The following CERK variants were observed in gnomAD, a reference collection of about 807,000 sequenced individuals.
CERK encodes the protein ceramide kinase, also known as acylsphingosine kinase.
In CERK, 39 loss-of-function variants were observed where a neutral mutation model predicts 63.4. That is an observed-to-expected ratio of 0.61 (90% CI 0.48 to 0.80). The LOEUF (loss-of-function observed/expected upper bound fraction) is 0.80, where lower values mean the gene tolerates loss of function less well. Among genes scored for constraint, CERK ranks in the 30% least tolerant of loss-of-function variants. The pLI, the probability that CERK is intolerant of heterozygous loss-of-function variation, is 0.00. For synonymous variants in CERK, 302 were observed against 280.0 expected (o/e 1.08, Z -0.78); for missense variants, 670 against 714.1 (o/e 0.94, Z 0.70).
intron 6 of CERK, among the ~76,000 whole-genome samples, chr22:46,703,279 C>T (rs949276204): frequency 6.6e-6 from 1 of 152,164 alleles, no homozygotes; most frequent in Non-Finnish European, 1.5e-5. Flanking sequence ...ACATCTGTCC[C>T]GGAGGCAGCC....
intron 1 of CERK, among the ~76,000 whole-genome samples, chr22:46,723,022 G>A (rs887295645): frequency 3.9e-5 from 6 of 152,178 alleles, no homozygotes; most frequent in African/African-American, 1.4e-4. Flanking sequence ...GGAGGGATAA[G>A]GATCCCACTT....
chr22:46,729,864 C>T (rs2082936934), intron 1 of CERK, among the ~76,000 whole-genome samples: 8 of 152,016 alleles, frequency 5.3e-5, no homozygotes, highest in Admixed American at 4.6e-4. Context: ...ACGGTGAAAC[C>T]CTGTCCCTAC....
intron 8 of CERK, 99 bp from the exon 9 acceptor site, chr22:46,695,414 C>A (rs1447266627): frequency 1.3e-6 from 1 of 784,286 alleles, no homozygotes; most frequent in African/African-American, 1.7e-5. Context: ...GAGCGCGCAT[C>A]TGCCTAAACC....
rs897523567 is a variant in CERK at position 46,714,919 on chromosome 22, C to T, written c.380-2626G>A. 6.6e-6 allele frequency among the ~76,000 whole-genome samples: 1 copy of T among 151,746 alleles called. No homozygotes were observed. The highest frequency in any genetic ancestry group is 2.4e-5 in the African/African-American group (1 of 41,310). ...ACACATAAACAGTACTACATCACAA[C>T]CAAGAGAGGTTTGTTTACTCCAGGA... On this transcript the variant is annotated intron_variant, in intron 3 of 12. Coordinates refer to ENST00000216264, the MANE Select transcript of CERK (RefSeq NM_022766.6). The surrounding 1 kb of genome is among the most constrained non-coding windows in gnomAD (Gnocchi z 4.4).
chr22:46,690,409 C>T (rs984958399), intron 11 of CERK, among the ~76,000 whole-genome samples: 3 of 151,968 alleles, frequency 2.0e-5, no homozygotes, highest in African/African-American at 4.8e-5. Context: ...TGGCACCCAC[C>T]TTTCCCGGCG....
In CERK at chr22:46,686,868, A is replaced by C. The variant is rs1044812637; in HGVS notation, c.*266T>G. On this transcript the variant is annotated 3_prime_UTR_variant, in exon 13 of 13. Coordinates refer to ENST00000216264, the MANE Select transcript of CERK (RefSeq NM_022766.6). ...TCTAAACTACACTGTTGACATCGTT[A>C]AAACCTAAGAGGCCAGTGCCCCCAA... The C allele has an allele frequency of 9.0e-6, 4 of 446,102 alleles. No individual in the cohort carries two copies. The highest frequency in any genetic ancestry group is 7.9e-5 in the African/African-American group (4 of 50,744). The allele number at this position is 446,102 out of a possible 1,614,324, so 27.6% of individuals were successfully genotyped here. A position where few individuals can be genotyped will look rare whatever the true frequency, so the allele number is the denominator to read the frequency against.
At chr22:46,709,945 C>T (rs1195010270) in intron 5 of CERK, among the ~76,000 whole-genome samples, 1 of 152,058 alleles carries the variant, frequency 6.6e-6, no homozygotes, top group Non-Finnish European at 1.5e-5. Flanking sequence ...GATAAGAGAA[C>T]AAATGACTGA....
intron 6 of CERK, 104 bp from the exon 7 acceptor site, chr22:46,701,814 A>G: frequency 1.3e-6 from 1 of 755,216 alleles, no homozygotes. Context: ...CCATGGCCCT[A>G]GAGTCAACAC....
chr22:46,721,388 G>A (rs566330404), intron 1 of CERK, among the ~76,000 whole-genome samples: 7 of 152,156 alleles, frequency 4.6e-5, no homozygotes, highest in African/African-American at 1.4e-4. Context: ...TGCCTCCCGG[G>A]TTCGCGCCAT....
At chr22:46,699,965 T>G (rs1221527706) in intron 7 of CERK, among the ~76,000 whole-genome samples, 2 of 152,152 alleles carry the variant, frequency 1.3e-5, no homozygotes, top group Non-Finnish European at 2.9e-5. Context: ...GGCGTGTGCC[T>G]GAAATCCCAG....
chr22:46,718,579 C>G (rs2082877252), intron 3 of CERK, among the ~76,000 whole-genome samples: 1 of 152,156 alleles, frequency 6.6e-6, no homozygotes, highest in South Asian at 2.1e-4. Flanking sequence ...GAAGCACAGG[C>G]CCTCCTGCCC....
chr22:46,719,013 A>G (rs1256854899), intron 3 of CERK, among the ~76,000 whole-genome samples: 2 of 151,956 alleles, frequency 1.3e-5, no homozygotes, highest in South Asian at 2.1e-4. Context: ...GGCTGCAGTG[A>G]GCTAAGATCA....
intron 8 of CERK, 91 bp from the exon 9 acceptor site, chr22:46,695,406 G>A: frequency 2.4e-6 from 2 of 821,888 alleles, no homozygotes; most frequent in South Asian, 2.7e-5. Flanking sequence ...ATGTCGCTGA[G>A]CGCGCATCTG....
At position 46,714,600 on chromosome 22, in the gene CERK, A is replaced by G. The variant is rs1012090882; in HGVS notation, c.380-2307T>C. On this transcript the variant is annotated intron_variant, in intron 3 of 12. Transcript: ENST00000216264. The surrounding 1 kb of genome is among the most constrained non-coding windows in gnomAD (Gnocchi z 4.4). Reference sequence around the variant, plus strand: ...AAATCTGAATAGTCTGACAGCTAATAAAGACACCAAAGCTATTAATGAAAA... The same window carrying G: ...AAATCTGAATAGTCTGACAGCTAATGAAGACACCAAAGCTATTAATGAAAA... Among the ~76,000 whole-genome samples, 1 of 152,258 alleles carries G rather than the reference A, an allele frequency of 6.6e-6. No individual in the cohort carries two copies. The highest frequency in any genetic ancestry group is 2.4e-5 in the African/African-American group (1 of 41,470).
At chr22:46,708,105 C>G (rs1225211923) in intron 5 of CERK, 117 bp from the exon 6 acceptor site, 1 of 1,219,062 alleles carries the variant, frequency 8.2e-7, no homozygotes, top group Non-Finnish European at 1.1e-6. Context: ...TGGCAGGCAT[C>G]TAGAAGTGCG....
chr22:46,725,313 A>G (rs2082913024), intron 1 of CERK, among the ~76,000 whole-genome samples: 1 of 151,948 alleles, frequency 6.6e-6, no homozygotes, highest in Non-Finnish European at 1.5e-5. Context: ...AACACTTGCC[A>G]GCGTCCACCG....
intron 6 of CERK, among the ~76,000 whole-genome samples, chr22:46,703,142 G>A (rs377570919): frequency 1.2e-4 from 19 of 152,278 alleles, no homozygotes; most frequent in African/African-American, 4.3e-4. Context: ...AATGAATGAC[G>A]ATCTCTTCTT....
chr22:46,708,083 A>C, intron 5 of CERK, 95 bp from the exon 6 acceptor site: 5 of 1,376,726 alleles, frequency 3.6e-6, no homozygotes, highest in Non-Finnish European at 4.8e-6. Flanking sequence ...GGCAGCCTGC[A>C]CACCTGGCCC....
At chr22:46,711,276 C>A in intron 4 of CERK, 127 bp from the exon 5 acceptor site, 1 of 714,942 alleles carries the variant, frequency 1.4e-6, no homozygotes, top group Non-Finnish European at 2.5e-6. Flanking sequence ...AGATAAAATT[C>A]CCTCTTCAAT....
Sources: allele counts gnomAD v4.1 joint callset (sites outside exome capture counted in the v4.1 genomes callset), GRCh38; gene constraint gnomAD v4.1.1; non-coding constraint Gnocchi (gnomAD v3.1); transcripts MANE v1.5; gene names NCBI Gene and HGNC (gene_info 2026-07-23, HGNC 2026-07-21).